Variants in CEP63 observed in about 807,000 individuals in gnomAD.
CEP63 encodes centrosomal protein of 63 kDa.
CEP63 carries 84 observed loss-of-function variants against 89.1 expected under a neutral mutation model. The ratio of observed to expected loss-of-function variants is 0.94; its 90% confidence interval spans 0.79 to 1.13. The LOEUF (loss-of-function observed/expected upper bound fraction) is 1.13. Among genes scored for constraint, CEP63 ranks in the 50% most tolerant of loss-of-function variants. The pLI, the probability that CEP63 is intolerant of heterozygous loss-of-function variation, is 0.00. For missense variants in CEP63, 838 were observed against 813.3 expected, an observed-to-expected ratio of 1.03 and a Z score of -0.37; for synonymous variants, 267 against 272.5, an observed-to-expected ratio of 0.98 and a Z score of 0.20.
At chr3:134,619,868 C>G in the CEP63 span, 1 of 152,860 alleles carries the variant, frequency 6.5e-6, no homozygotes, top group East Asian at 1.9e-4. Context: ...GACCCTGCCC[C>G]TTTAAGGCAC....
the CEP63 span, among the ~76,000 whole-genome samples, chr3:134,677,108 G>A: frequency 2.8e-4 from 42 of 152,250 alleles, no homozygotes; most frequent in African/African-American, 7.2e-4. Flanking sequence ...GTGGTGGTGC[G>A]TGCCTGTAAT....
chr3:134,500,964 T>C (rs576023788), intron 2 of CEP63, among the ~76,000 whole-genome samples: 3 of 102,240 alleles, frequency 2.9e-5, no homozygotes, highest in African/African-American at 9.9e-5. Flanking sequence ...AGGATTCTTA[T>C]AGTTTGAGAT....
the CEP63 span, among the ~76,000 whole-genome samples, chr3:134,660,341 G>C: frequency 3.3e-5 from 5 of 152,204 alleles, no homozygotes; most frequent in South Asian, 2.1e-4. Flanking sequence ...ATTAGAAACT[G>C]GTTCCTAATA....
intron 10 of CEP63, among the ~76,000 whole-genome samples, chr3:134,584,658 G>T (rs1958439386): frequency 6.6e-6 from 1 of 152,122 alleles, no homozygotes; most frequent in African/African-American, 2.4e-5. Context: ...TTATGTCTCT[G>T]CCAGGCTTTG....
intron 6 of CEP63, among the ~76,000 whole-genome samples, chr3:134,537,578 A>G (rs1175077899): frequency 1.3e-5 from 2 of 152,002 alleles, no homozygotes; most frequent in Admixed American, 6.6e-5. Flanking sequence ...GGCTCACTCT[A>G]TGCTTGCATC....
chr3:134,754,297 G>A, the CEP63 span, among the ~76,000 whole-genome samples: 4 of 152,208 alleles, frequency 2.6e-5, no homozygotes. Context: ...GAGCAGTGGG[G>A]CTAATGCTCA....
Position 134,550,098 on chromosome 3 carries a change from C to T in CEP63, c.1218C>T (p.Tyr406=), listed in dbSNP as rs138129811. 13 of 1,613,930 alleles carry T rather than the reference C, an allele frequency of 8.1e-6. No homozygotes were observed. Among genetic ancestry groups the T allele is most frequent in the East Asian group, 2.2e-5 (1 of 44,868 alleles). The change falls in exon 11 of 15, where the codon TAC becomes TAT. Residue 406 remains tyrosine, a synonymous_variant. Transcript: ENST00000675561. ...AGATTTTACAGGGTGAACAAAGTTA[C>T]AGTTCTGCACTAGAAGGAATGAAGA... is the stretch of plus-strand genomic sequence containing the variant. ...KEQILQGEQS[Y]SSALEGMKME...
At chr3:134,748,550 G>A in the CEP63 span, among the ~76,000 whole-genome samples, 1 of 152,120 alleles carries the variant, frequency 6.6e-6, no homozygotes, top group East Asian at 1.9e-4. Context: ...ATGCCATCAT[G>A]AGCATGGGTC....
chr3:134,608,600 A>C, the CEP63 span: 1 of 1,613,758 alleles, frequency 6.2e-7, no homozygotes, highest in Non-Finnish European at 8.5e-7. Context: ...GGACAGTGCG[A>C]AATGCTCCAT....
the CEP63 span, among the ~76,000 whole-genome samples, chr3:134,660,602 C>T: frequency 1.1e-4 from 17 of 152,168 alleles, no homozygotes; most frequent in Admixed American, 1.3e-4. Context: ...TCTATGCCAA[C>T]TCTGTATCAG....
chr3:134,731,171 T>C, the CEP63 span, among the ~76,000 whole-genome samples: 24 of 152,132 alleles, frequency 1.6e-4, no homozygotes, highest in African/African-American at 5.3e-4. Context: ...CACAACACAC[T>C]GGGAAATTTT....
the CEP63 span, among the ~76,000 whole-genome samples, chr3:134,667,613 G>A: frequency 1.3e-5 from 2 of 152,238 alleles, no homozygotes; most frequent in Non-Finnish European, 2.9e-5. Context: ...CTAGGTTGTT[G>A]CTTGGGCAGC....
chr3:134,633,247 C>T, the CEP63 span, among the ~76,000 whole-genome samples: 1 of 152,034 alleles, frequency 6.6e-6, no homozygotes, highest in African/African-American at 2.4e-5. Context: ...TGCTTCATAA[C>T]TCATTTTATG....
At chr3:134,765,939 T>C in the CEP63 span, among the ~76,000 whole-genome samples, 1 of 152,244 alleles carries the variant, frequency 6.6e-6, no homozygotes. Context: ...AGAATCAGTT[T>C]CCAGTAAACA....
the CEP63 span, among the ~76,000 whole-genome samples, chr3:134,629,145 G>C: frequency 1.3e-5 from 2 of 152,232 alleles, no homozygotes; most frequent in African/African-American, 4.8e-5. Context: ...AAGACCACAG[G>C]CTTCAGAGTC....
At chr3:134,759,345 T>A in the CEP63 span, among the ~76,000 whole-genome samples, 1 of 152,242 alleles carries the variant, frequency 6.6e-6, no homozygotes, top group South Asian at 2.1e-4. Context: ...CATTGGCATT[T>A]CTGCATAAAC....
the CEP63 span, chr3:134,640,092 A>C: frequency 3.9e-5 from 6 of 152,466 alleles, no homozygotes; most frequent in Admixed American, 3.9e-4. Flanking sequence ...CCAAGATTCC[A>C]ATGTTCCTTT....
chr3:134,508,074 A>C (rs72972118), intron 3 of CEP63, among the ~76,000 whole-genome samples: 1 of 152,330 alleles, frequency 6.6e-6, no homozygotes, highest in African/African-American at 2.4e-5. Flanking sequence ...GGCTGTCATC[A>C]GCTTATTCAG....
the CEP63 span, among the ~76,000 whole-genome samples, chr3:134,730,552 T>C: frequency 6.6e-6 from 1 of 152,182 alleles, no homozygotes; most frequent in Admixed American, 6.5e-5. Flanking sequence ...CACACAAGTA[T>C]TTATCAAAAC....
Sources: allele counts gnomAD v4.1 joint callset (sites outside exome capture counted in the v4.1 genomes callset), GRCh38; gene constraint gnomAD v4.1.1; transcripts MANE v1.5; gene names NCBI Gene and HGNC (gene_info 2026-07-23, HGNC 2026-07-21).